The following ARSG variants were observed in gnomAD, a reference collection of about 807,000 sequenced individuals.
ARSG encodes the protein ASG.
Under a neutral mutation model 50.5 loss-of-function variants are expected in ARSG, and 37 were observed. That is an observed-to-expected ratio of 0.73 (90% CI 0.56 to 0.96). The LOEUF is 0.96. Ranked by LOEUF, ARSG falls within the 50% of genes least tolerant of loss-of-function variation. The pLI is 0.00. For synonymous variants in ARSG, 225 were observed against 254.6 expected (o/e 0.88, Z 1.11); for missense variants, 629 against 675.3 (o/e 0.93, Z 0.76).
At chr17:68,374,030 A>G (rs7226177) in intron 8 of ARSG, among the ~76,000 whole-genome samples, 74,332 of 151,142 alleles carry the variant, frequency 0.49, 19,200 homozygotes, top group African/African-American at 0.64. Flanking sequence ...GGTGGCGGGC[A>G]CCTGTAGTCC....
downstream of ARSG, chr17:68,425,850 G>A: frequency 4.3e-6 from 2 of 463,784 alleles, no homozygotes; most frequent in South Asian, 3.4e-5. Flanking sequence ...ATTAGTATTC[G>A]GTGACTCTAA....
chr17:68,385,099 G>C lies in ARSG; in HGVS notation c.1018G>C (p.Gly340Arg), dbSNP rs569638838. The C allele has an allele frequency of 6.2e-7, 1 of 1,614,076 alleles. No homozygotes were observed. Among genetic ancestry groups the C allele is most frequent in the Non-Finnish European group, 8.5e-7 (1 of 1,179,984 alleles). ...SPAKQTTWEG[G>R]HRVPALAYWP... The stretch of plus-strand genomic sequence containing the variant: ...AGCCAAGCAGACGACCTGGGAAGGA[G>C]GGCACCGGGTCCCAGCACTGGCTTA... Residue 340 changes from glycine to arginine, a missense_variant, in exon 9 of 12, where the codon GGG becomes CGG. Coordinates refer to ENST00000621439, the MANE Select transcript of ARSG (RefSeq NM_001267727.2).
At position 68,367,802 on chromosome 17, in the gene ARSG, G is replaced by A. The variant is rs1272460315; in HGVS notation, c.705-746G>A. ...AGGAACAAGGCTGGCCAGGCACAGT[G>A]GCTCACGCCTGTAATCCCAGCACTT... On this transcript the variant is annotated intron_variant, in intron 6 of 11. Transcript: ENST00000621439. The surrounding 1 kb of genome is among the most constrained non-coding windows in gnomAD (Gnocchi z 4.5). Among the ~76,000 whole-genome samples, 2 of 152,202 alleles carry A rather than the reference G, an allele frequency of 1.3e-5. No individual in the cohort carries two copies. The highest frequency in any genetic ancestry group is 4.8e-5 in the African/African-American group (2 of 41,444).
chr17:68,428,745 A>G, the ARSG span: 1 of 1,043,714 alleles, frequency 9.6e-7, no homozygotes, highest in South Asian at 1.4e-5. Flanking sequence ...ATGCAAGGGC[A>G]CTGAAGCTTG....
the ARSG span, chr17:68,436,287 C>A: frequency 8.8e-7 from 1 of 1,141,134 alleles, no homozygotes; most frequent in Non-Finnish European, 1.3e-6. Context: ...CCCACCGCCT[C>A]CAGCCCCCGA....
At chr17:68,305,025 T>G (rs1355378311) in intron 1 of ARSG, among the ~76,000 whole-genome samples, 1 of 152,068 alleles carries the variant, frequency 6.6e-6, no homozygotes, top group Non-Finnish European at 1.5e-5. Context: ...AGTAAAAAAA[T>G]TAGCTGGGCG....
At chr17:68,290,556 C>T (rs1181227877), upstream of ARSG, among the ~76,000 whole-genome samples, 1 of 152,230 alleles carries the variant, frequency 6.6e-6, no homozygotes, top group Non-Finnish European at 1.5e-5. Context: ...TGGGGACAAA[C>T]GGTGGCCGCC....
chr17:68,271,107 G>A lies in ARSG; in HGVS notation c.-552+11681G>A. The stretch of plus-strand genomic sequence containing the variant: ...AAATCTTACGAATGGGCTCCCTGTT[G>A]AGGACAAAACCAGCTCCGATCCTTC... On this transcript the variant is annotated intron_variant, in intron 1 of 11. Coordinates refer to the ARSG transcript ENST00000448504. The surrounding 1 kb of genome is among the most constrained non-coding windows in gnomAD (Gnocchi z 5.3). 6.2e-7 allele frequency: 1 copy of A among 1,614,202 alleles called. No homozygotes were observed. The highest frequency in any genetic ancestry group is 8.5e-7 in the Non-Finnish European group (1 of 1,180,040).
chr17:68,372,084 T>C (rs1159845138), intron 8 of ARSG, among the ~76,000 whole-genome samples: 1 of 152,194 alleles, frequency 6.6e-6, no homozygotes, highest in African/African-American at 2.4e-5. Context: ...AGGAGGTATT[T>C]GTGTCCAAGA....
chr17:68,396,015 GTT>G (rs200577774), intron 10 of ARSG, among the ~76,000 whole-genome samples: 1 of 144,618 alleles, frequency 6.9e-6, no homozygotes. Context: ...TTTTTTTTTT[GTT>G]TTTTTTTTTG....
chr17:68,357,888 A>G (rs900042232), intron 6 of ARSG, among the ~76,000 whole-genome samples: 2 of 152,180 alleles, frequency 1.3e-5, no homozygotes, highest in Admixed American at 6.6e-5. Flanking sequence ...AAATCTCCTG[A>G]TCTTGAAATA....
At chr17:68,448,824 G>A in the ARSG span, among the ~76,000 whole-genome samples, 1 of 152,180 alleles carries the variant, frequency 6.6e-6, no homozygotes, top group African/African-American at 2.4e-5. Context: ...GAAAACACCT[G>A]AGTCAAGAAT....
At chr17:68,415,442 ATGGTCTGTCT>A in intron 11 of ARSG, among the ~76,000 whole-genome samples, 2 of 152,242 alleles carry the variant, frequency 1.3e-5, no homozygotes, top group Middle Eastern at 6.8e-3. Context: ...GGCCTATTGT[ATGGTCTGTCT>A]TGGAGAAAGT....
rs117090909 is a variant in ARSG at position 68,308,972 on chromosome 17, C to T, written c.218+1261C>T. On this transcript the variant is annotated intron_variant, in intron 2 of 11. Transcript: ENST00000621439. ...GCGCTGTGGAGCAGGGGGTGGTGCT[C>T]GAGGAGGCTCGGGCCGCACAGGAGC... 6.2e-4 allele frequency among the ~76,000 whole-genome samples: 94 copies of T among 152,284 alleles called. 7 individuals are homozygous for T. In the East Asian group the frequency reaches 0.018, roughly 28 times the overall value.
chr17:68,354,929 C>T (rs187789852), intron 5 of ARSG, among the ~76,000 whole-genome samples: 15 of 152,262 alleles, frequency 9.9e-5, no homozygotes, highest in Admixed American at 2.6e-4. Context: ...ACCATATCTC[C>T]TATATTTCTG....
At chr17:68,274,069 A>T (rs781891873) in intron 1 of ARSG, 1 of 1,611,636 alleles carries the variant, frequency 6.2e-7, no homozygotes, top group Non-Finnish European at 8.5e-7. Context: ...TGGCGAGGGG[A>T]GCTGCCGGGA....
At chr17:68,346,905 T>C in intron 3 of ARSG, 1 of 1,474,282 alleles carries the variant, frequency 6.8e-7, no homozygotes, top group South Asian at 1.2e-5. Flanking sequence ...TTCACTGTGG[T>C]TTCCCGTGTG....
chr17:68,376,347 G>T (rs1441204631), intron 8 of ARSG, among the ~76,000 whole-genome samples: 1 of 146,118 alleles, frequency 6.8e-6, no homozygotes, highest in Non-Finnish European at 1.5e-5. Context: ...CATCATTACA[G>T]CTCACTGCAG....
intron 1 of ARSG, among the ~76,000 whole-genome samples, chr17:68,305,974 G>A (rs1363639926): frequency 6.6e-6 from 1 of 152,024 alleles, no homozygotes; most frequent in African/African-American, 2.4e-5. Flanking sequence ...CTACTAGGAG[G>A]CTGAGGCATG....
Sources: gnomAD v4.1 joint callset for allele counts (sites outside exome capture counted in the v4.1 genomes callset) on GRCh38, gnomAD v4.1.1 for gene constraint, Gnocchi (gnomAD v3.1) non-coding constraint, MANE v1.5 for transcripts, NCBI Gene and HGNC (gene_info 2026-07-23, HGNC 2026-07-21) for gene names.